TENM1: variants seen among roughly 807,000 people sequenced by gnomAD.
TENM1 encodes teneurin-1.
Under a neutral mutation model 174.8 loss-of-function variants are expected in TENM1, and 35 were observed. That is an observed-to-expected ratio of 0.20 (90% CI 0.15 to 0.27). The LOEUF is 0.27. Among genes scored for constraint, TENM1 ranks in the 10% least tolerant of loss-of-function variants. The probability of loss-of-function intolerance (pLI) is 1.00; values close to 1 mark genes in which losing one functional copy is unlikely to be tolerated. For missense variants in TENM1, 1,633 were observed against 2,130.1 expected, an observed-to-expected ratio of 0.77 and a Z score of 4.59; for synonymous variants, 781 against 798.7, an observed-to-expected ratio of 0.98 and a Z score of 0.37.
chrX:124,695,640 T>TA (rs1252666208), intron 5 of TENM1, among the ~76,000 whole-genome samples: 1 of 111,684 alleles, frequency 9.0e-6, no homozygotes, highest in African/African-American at 3.2e-5. Context: ...TAATTGCCTA[T>TA]AAAAAAGAAC....
intron 3 of TENM1, among the ~76,000 whole-genome samples, chrX:124,833,322 G>A (rs1218618503): frequency 8.9e-6 from 1 of 112,027 alleles, no homozygotes. Context: ...AATGAGTTGA[G>A]TGAACAACAA....
intron 3 of TENM1, among the ~76,000 whole-genome samples, chrX:124,757,118 G>T (rs1050514049): frequency 1.6e-4 from 18 of 112,718 alleles, no homozygotes; most frequent in Non-Finnish European, 3.2e-4. Flanking sequence ...GAGGCAGGCA[G>T]GCCTCCTTGA....
At chrX:125,022,090 C>CAGGGGTACGCTTGA in the TENM1 span, among the ~76,000 whole-genome samples, 1 of 112,239 alleles carries the variant, frequency 8.9e-6, no homozygotes, top group Admixed American at 9.5e-5. Context: ...ATGAATGTTG[C>CAGGGGTACGCTTGA]TAACTCCTTG....
chrX:125,194,908 A>C, the TENM1 span, among the ~76,000 whole-genome samples: 1 of 108,575 alleles, frequency 9.2e-6, no homozygotes, highest in African/African-American at 3.3e-5. Context: ...ACTATTTATA[A>C]AACTATATCA....
At chrX:125,104,464 C>A in the TENM1 span, among the ~76,000 whole-genome samples, 5 of 111,631 alleles carry the variant, frequency 4.5e-5, no homozygotes, top group African/African-American at 1.6e-4. Context: ...TGTATTCCTG[C>A]AATTATGACA....
intron 26 of TENM1, 105 bp downstream of exon 29, chrX:124,406,209 ATCT>A: frequency 3.3e-6 from 2 of 614,796 alleles, no homozygotes; most frequent in Admixed American, 6.6e-5. Flanking sequence ...GGAAGAGTAC[ATCT>A]TCTCAGCTAG....
At chrX:125,184,814 AT>A in the TENM1 span, among the ~76,000 whole-genome samples, 1 of 111,706 alleles carries the variant, frequency 9.0e-6, no homozygotes, top group Admixed American at 9.5e-5. Flanking sequence ...GGGAAAAAAA[AT>A]CAATGCTTTC....
chrX:124,770,231 T>C (rs1311732138), intron 3 of TENM1, among the ~76,000 whole-genome samples: 1 of 111,256 alleles, frequency 9.0e-6, no homozygotes, highest in Non-Finnish European at 1.9e-5. Context: ...GTACAGTAAG[T>C]TTCACTTTGT....
At chrX:124,492,727 G>A (rs377694562) in intron 20 of TENM1, among the ~76,000 whole-genome samples, 54 of 110,350 alleles carry the variant, frequency 4.9e-4, no homozygotes, top group African/African-American at 1.7e-3. Context: ...AGAAATAATT[G>A]CCTTTTCTCC....
At chrX:124,434,153 T>C (rs1282447163) in intron 23 of TENM1, among the ~76,000 whole-genome samples, 3 of 111,893 alleles carry the variant, frequency 2.7e-5, no homozygotes, top group Non-Finnish European at 5.6e-5. Context: ...ATCACACTTT[T>C]ATTTTCTAAT....
At chrX:124,462,621 CTTAT>C (rs1412487875) in intron 22 of TENM1, among the ~76,000 whole-genome samples, 8 of 111,045 alleles carry the variant, frequency 7.2e-5, no homozygotes, top group Non-Finnish European at 1.3e-4. Context: ...GAAGCTGTTA[CTTAT>C]TTATTTATTT....
intron 3 of TENM1, among the ~76,000 whole-genome samples, chrX:124,751,289 T>C (rs1018614174): frequency 8.9e-6 from 1 of 111,751 alleles, no homozygotes; most frequent in Admixed American, 9.5e-5. Context: ...AAATACCAAA[T>C]TGGCTTCAAG....
intron 3 of TENM1, among the ~76,000 whole-genome samples, chrX:124,811,864 A>G (rs1411704804): frequency 3.6e-5 from 4 of 111,533 alleles, no homozygotes; most frequent in Non-Finnish European, 7.6e-5. Context: ...ATTTGAGACA[A>G]CATGGATGAG....
chrX:124,860,025 C>T (rs1187907504), intron 3 of TENM1, among the ~76,000 whole-genome samples: 4 of 111,701 alleles, frequency 3.6e-5, no homozygotes, highest in African/African-American at 9.8e-5. Context: ...ATGAAGTAAG[C>T]TTTAACTGAA....
chrX:125,164,894 G>A, the TENM1 span, among the ~76,000 whole-genome samples: 962 of 111,376 alleles, frequency 8.6e-3, 3 homozygotes, highest in Middle Eastern at 0.014. Context: ...TCTGGAAAAG[G>A]AATATGGCTT....
intron 14 of TENM1, among the ~76,000 whole-genome samples, chrX:124,560,154 GT>G (rs1344499543): frequency 9.2e-6 from 1 of 108,574 alleles, no homozygotes; most frequent in Non-Finnish European, 1.9e-5. Flanking sequence ...AGTTATATGG[GT>G]AGTAAACAGT....
the TENM1 span, among the ~76,000 whole-genome samples, chrX:125,047,806 A>AAAATT: frequency 2.7e-5 from 3 of 111,660 alleles, no homozygotes; most frequent in Non-Finnish European, 1.9e-5. Context: ...TTTTTGTTAT[A>AAAATT]CTTAATGAGA....
chrX:124,409,864 A>G (rs1482737056), intron 25 of TENM1, among the ~76,000 whole-genome samples: 8 of 106,373 alleles, frequency 7.5e-5, no homozygotes, highest in Non-Finnish European at 1.4e-4. Context: ...TCAATGAAAT[A>G]AAAGAGGATA....
intron 11 of TENM1, among the ~76,000 whole-genome samples, chrX:124,570,113 T>C (rs2843532): frequency 0.22 from 23,876 of 110,607 alleles, 1,872 homozygotes; most frequent in South Asian, 0.41. Flanking sequence ...ACATCTGAAA[T>C]TTTTTATGAA....
Sources: allele counts gnomAD v4.1 joint callset (sites outside exome capture counted in the v4.1 genomes callset), GRCh38; gene constraint gnomAD v4.1.1; transcripts MANE v1.5; gene names NCBI Gene and HGNC (gene_info 2026-07-23, HGNC 2026-07-21).